The following PLEKHA7 variants were observed in gnomAD, a reference collection of about 807,000 sequenced individuals.
PLEKHA7 encodes pleckstrin homology domain-containing family A member 7.
A neutral mutation model predicts 170.0 loss-of-function variants in PLEKHA7; 104 were observed. That is an observed-to-expected ratio of 0.61 (90% CI 0.52 to 0.72). The LOEUF is 0.72. Among genes scored for constraint, PLEKHA7 ranks in the 30% least tolerant of loss-of-function variants. The pLI, the probability that PLEKHA7 is intolerant of heterozygous loss-of-function variation, is 0.00. For missense variants in PLEKHA7, 1,615 were observed against 1,671.7 expected, an observed-to-expected ratio of 0.97 and a Z score of 0.59; for synonymous variants, 648 against 660.8, an observed-to-expected ratio of 0.98 and a Z score of 0.30.
At chr11:16,963,429 T>C (rs1367256042) in intron 3 of PLEKHA7, among the ~76,000 whole-genome samples, 2 of 152,110 alleles carry the variant, frequency 1.3e-5, no homozygotes, top group Non-Finnish European at 2.9e-5. Flanking sequence ...AAGAAACTTG[T>C]CTTGCCCTAC....
At chr11:16,903,500 G>A (rs968630149) in intron 3 of PLEKHA7, among the ~76,000 whole-genome samples, 30 of 152,104 alleles carry the variant, frequency 2.0e-4, no homozygotes, top group African/African-American at 6.8e-4. Context: ...TTGCACAGAC[G>A]CCTACATTAG....
intron 9 of PLEKHA7, among the ~76,000 whole-genome samples, chr11:16,840,380 G>A (rs1851856063): frequency 6.6e-6 from 1 of 152,142 alleles, no homozygotes. Flanking sequence ...GGCCAACATG[G>A]TGAAACCCCG....
At chr11:16,841,341 C>A (rs1851940887) in intron 9 of PLEKHA7, among the ~76,000 whole-genome samples, 1 of 152,240 alleles carries the variant, frequency 6.6e-6, no homozygotes, top group African/African-American at 2.4e-5. Flanking sequence ...GAAGCCCACA[C>A]ATGCCAGTTT....
intron 3 of PLEKHA7, among the ~76,000 whole-genome samples, chr11:16,982,854 C>T (rs1863523785): frequency 6.6e-6 from 1 of 151,852 alleles, no homozygotes; most frequent in Non-Finnish European, 1.5e-5. Context: ...GAGAGAAACT[C>T]CCAACTACTC....
At position 16,817,054 on chromosome 11, in the gene PLEKHA7, T is replaced by C; in HGVS notation, c.1612A>G (p.Thr538Ala). ...QRQQFRHGSP[T>A]APICLGSPEF... Reference sequence around the variant, plus strand: ...GGGGAGCCAAGGCAGATGGGCGCTGTGGGGCTGCCGTGCCGGAACTGCTGG... The same window carrying C: ...GGGGAGCCAAGGCAGATGGGCGCTGCGGGGCTGCCGTGCCGGAACTGCTGG... Residue 538 changes from threonine to alanine, a missense_variant, in exon 11 of 27, where the codon ACA (threonine) becomes GCA (alanine). Physicochemically the swap from Thr to Ala is moderately conservative, Grantham distance 58. Transcript: ENST00000531066. The surrounding 1 kb of genome is among the most constrained non-coding windows in gnomAD (Gnocchi z 4.4). 1 of 1,610,304 alleles carries C rather than the reference T, an allele frequency of 6.2e-7. No homozygotes were observed. Among genetic ancestry groups the C allele is most frequent in the African/African-American group, 1.3e-5 (1 of 75,036 alleles).
intron 3 of PLEKHA7, among the ~76,000 whole-genome samples, chr11:16,933,370 TAA>T (rs974320785): frequency 6.6e-6 from 1 of 152,132 alleles, no homozygotes; most frequent in African/African-American, 2.4e-5. Flanking sequence ...GGAGATGAGC[TAA>T]AGAGACTGCT....
At chr11:16,841,456 T>C in intron 9 of PLEKHA7, 91 bp downstream of exon 9, 1 of 1,388,660 alleles carries the variant, frequency 7.2e-7, no homozygotes, top group South Asian at 1.4e-5. Flanking sequence ...TACAAGTGAG[T>C]AAATGGAATC....
intron 4 of PLEKHA7, among the ~76,000 whole-genome samples, chr11:16,863,111 C>T (rs1436378169): frequency 6.6e-6 from 1 of 152,130 alleles, no homozygotes; most frequent in African/African-American, 2.4e-5. Flanking sequence ...AGGAGACAGC[C>T]ATCTCCTAGC....
chr11:16,861,054 A>C (rs1853904105), intron 4 of PLEKHA7, among the ~76,000 whole-genome samples: 1 of 152,246 alleles, frequency 6.6e-6, no homozygotes, highest in African/African-American at 2.4e-5. Context: ...GCTACACTTT[A>C]TTTCCAAGGC....
At chr11:16,874,290 T>C (rs116641854) in intron 3 of PLEKHA7, among the ~76,000 whole-genome samples, 3,918 of 152,234 alleles carry the variant, frequency 0.026, 73 homozygotes, top group African/African-American at 0.057. Flanking sequence ...GTGAATCACT[T>C]AAGCCCAGGA....
Position 17,014,388 on chromosome 11 carries a change from G to A in PLEKHA7, c.14C>T (p.Thr5Met), listed in dbSNP as rs544703997. MAAA[T>M]VGRDTLPEHW... The stretch of plus-strand genomic sequence containing the variant: ...CTCAGGTAAAGTGTCCCGCCCGACC[G>A]TCGCCGCCGCCATGTTCGCCGAGCG... Residue 5 changes from threonine to methionine, a missense_variant, in exon 1 of 27, where the codon ACG (threonine) becomes ATG (methionine). Transcript: ENST00000531066. 2 of 1,372,262 alleles carry A rather than the reference G, an allele frequency of 1.5e-6. No individual in the cohort carries two copies. The highest frequency in any genetic ancestry group is 1.9e-6 in the Non-Finnish European group (2 of 1,052,950). The allele number at this position is 1,372,262 out of a possible 1,614,324, so 85.0% of individuals were successfully genotyped here. A position where few individuals can be genotyped will look rare whatever the true frequency, so the allele number is the denominator to read the frequency against.
At chr11:16,954,578 T>C (rs1355497157) in intron 3 of PLEKHA7, among the ~76,000 whole-genome samples, 1 of 151,746 alleles carries the variant, frequency 6.6e-6, no homozygotes, top group Non-Finnish European at 1.5e-5. Flanking sequence ...TGCTGGATGC[T>C]GTTAGTTATT....
chr11:16,905,470 T>C (rs1172557184), intron 3 of PLEKHA7, among the ~76,000 whole-genome samples: 1 of 152,062 alleles, frequency 6.6e-6, no homozygotes, highest in East Asian at 1.9e-4. Flanking sequence ...ACCCAAACTG[T>C]ATATCAGGCA....
At chr11:16,902,576 C>G (rs1857408823) in intron 3 of PLEKHA7, among the ~76,000 whole-genome samples, 1 of 152,176 alleles carries the variant, frequency 6.6e-6, no homozygotes, top group Non-Finnish European at 1.5e-5. Context: ...TTTTGTTTTG[C>G]ATTTCCTTGA....
chr11:16,990,294 A>ACAAAAAAC lies in PLEKHA7; in HGVS notation c.221+23694_221+23695insGTTTTTTG, dbSNP rs1565186121. Among the ~76,000 whole-genome samples, 39 of 148,912 alleles carry ACAAAAAAC rather than the reference A, an allele frequency of 2.6e-4. 1 individual carries two copies. In the South Asian group the frequency reaches 2.8e-3, roughly 11 times the overall value. Reference sequence around the variant, plus strand: ...GTCTCAAAAAAAAAAAAAAAAAAAAAAAAAACTTCTCCCTGTTCCCAGGTA... The same window carrying ACAAAAAAC: ...GTCTCAAAAAAAAAAAAAAAAAAAAACAAAAAACAAAAACTTCTCCCTGTTCCCAGGTA... On this transcript the variant is annotated intron_variant, in intron 3 of 26. Coordinates refer to ENST00000531066, the MANE Select transcript of PLEKHA7 (RefSeq NM_001329630.2).
chr11:16,792,236 G>T (rs564805417), intron 19 of PLEKHA7, among the ~76,000 whole-genome samples: 5 of 152,286 alleles, frequency 3.3e-5, no homozygotes, highest in African/African-American at 1.2e-4. Flanking sequence ...AACATTGATT[G>T]CCTTTGATTG....
chr11:16,810,764 A>G (rs557335165), intron 13 of PLEKHA7, among the ~76,000 whole-genome samples: 1 of 152,320 alleles, frequency 6.6e-6, no homozygotes, highest in South Asian at 2.1e-4. Flanking sequence ...CCACAAAAAC[A>G]TAAGGCCTTT....
chr11:16,947,710 G>C (rs1295285413), intron 3 of PLEKHA7, among the ~76,000 whole-genome samples: 1 of 151,910 alleles, frequency 6.6e-6, no homozygotes, highest in Non-Finnish European at 1.5e-5. Flanking sequence ...GAGCTCAGGA[G>C]TTCAAGACCA....
chr11:16,844,602 AG>A (rs1275204399), intron 8 of PLEKHA7, among the ~76,000 whole-genome samples: 4 of 152,228 alleles, frequency 2.6e-5, no homozygotes, highest in Non-Finnish European at 4.4e-5. Context: ...AATCCTATGA[AG>A]CAACTTTGCA....
Sources: gnomAD v4.1 joint callset for allele counts (sites outside exome capture counted in the v4.1 genomes callset) on GRCh38, gnomAD v4.1.1 for gene constraint, Gnocchi (gnomAD v3.1) non-coding constraint, MANE v1.5 for transcripts, NCBI Gene and HGNC (gene_info 2026-07-23, HGNC 2026-07-21) for gene names.